Variants in CAMK4 observed in about 807,000 individuals in gnomAD.
The protein encoded by CAMK4 is calcium/calmodulin dependent protein kinase IV, also known as calcium/calmodulin-dependent protein kinase type IV.
CAMK4 carries 22 observed loss-of-function variants against 44.9 expected under a neutral mutation model. The observed-to-expected ratio is 0.49, with a 90% CI of 0.35 to 0.70. The LOEUF (loss-of-function observed/expected upper bound fraction) is 0.70, where lower values mean the gene tolerates loss of function less well. Ranked by LOEUF, CAMK4 falls within the 30% of genes least tolerant of loss-of-function variation. The pLI is 0.01. For synonymous variants in CAMK4, 218 were observed against 215.4 expected (o/e 1.01, Z -0.11); for missense variants, 498 against 586.8 (o/e 0.85, Z 1.56).
chr5:111,476,337 T>G (rs1482050335), intron 8 of CAMK4, among the ~76,000 whole-genome samples: 8 of 151,912 alleles, frequency 5.3e-5, no homozygotes. Context: ...TAGAGTGCAG[T>G]GGCGTGATCT....
Position 111,493,008 on chromosome 5 carries a change from C to T in CAMK4, c.*8542C>T, listed in dbSNP as rs1405600555. 2.6e-5 allele frequency: 4 copies of T among 152,150 alleles called. No individual in the cohort carries two copies. The highest frequency in any genetic ancestry group is 5.9e-5 in the Non-Finnish European group (4 of 68,114). The allele number at this position is 152,150 out of a possible 1,614,324, so 9.4% of individuals were successfully genotyped here. Reference sequence around the variant, plus strand: ...GTAGGGGGCATGTCTGGCTGAGAACCGGCCTGATCATAGAGTGGAAAAATG... The same window carrying T: ...GTAGGGGGCATGTCTGGCTGAGAACTGGCCTGATCATAGAGTGGAAAAATG... On this transcript the variant is annotated 3_prime_UTR_variant, in exon 11 of 11. Transcript: ENST00000282356. This position sits in a 1 kb window ranked among gnomAD's most constrained non-coding sequence, Gnocchi z 4.1.
intron 7 of CAMK4, among the ~76,000 whole-genome samples, chr5:111,470,937 A>G (rs1405605508): frequency 6.6e-6 from 1 of 152,234 alleles, no homozygotes; most frequent in Non-Finnish European, 1.5e-5. Context: ...GTCAACAGGC[A>G]AAATGCCTTG....
At chr5:111,427,142 A>G (rs751489514) in intron 5 of CAMK4, among the ~76,000 whole-genome samples, 5 of 152,166 alleles carry the variant, frequency 3.3e-5, no homozygotes, top group South Asian at 2.1e-4. Context: ...TTTATCTTGC[A>G]TCTAGGATAC....
chr5:111,328,751 G>C (rs912151211), intron 1 of CAMK4, among the ~76,000 whole-genome samples: 1 of 151,916 alleles, frequency 6.6e-6, no homozygotes, highest in Non-Finnish European at 1.5e-5. Flanking sequence ...GGATTCCTAG[G>C]TATTTTATTC....
rs560642818 is a variant in CAMK4, at chr5:111,276,603, T to C, written c.161+51959T>C. Among the ~76,000 whole-genome samples, 4 of 151,626 alleles carry C rather than the reference T, an allele frequency of 2.6e-5. No individual in the cohort carries two copies. The East Asian group carries it at 7.7e-4, about 29-fold the overall frequency. Reference sequence around the variant, plus strand: ...TATATTAAGTCAAAATCTAAAAAAGTTTTTTTTATACTTTCTTGTTCACTT... The same window carrying C: ...TATATTAAGTCAAAATCTAAAAAAGCTTTTTTTATACTTTCTTGTTCACTT... On this transcript the variant is annotated intron_variant, in intron 1 of 10. Transcript: ENST00000282356.
At chr5:111,417,331 C>G (rs963632380) in intron 5 of CAMK4, among the ~76,000 whole-genome samples, 1 of 151,910 alleles carries the variant, frequency 6.6e-6, no homozygotes, top group Non-Finnish European at 1.5e-5. Context: ...ATTCTAGTGC[C>G]TCAGCCTCCC....
At chr5:111,384,768 A>G (rs1751539195) in intron 4 of CAMK4, among the ~76,000 whole-genome samples, 2 of 152,106 alleles carry the variant, frequency 1.3e-5, no homozygotes, top group African/African-American at 4.8e-5. Context: ...CCATTGCAGT[A>G]GACTCCTGGA....
intron 1 of CAMK4, among the ~76,000 whole-genome samples, chr5:111,281,042 T>C (rs1258992806): frequency 2.0e-5 from 3 of 152,188 alleles, no homozygotes; most frequent in Non-Finnish European, 4.4e-5. Flanking sequence ...CACGGCAATA[T>C]TTCTGCTGTG....
intron 5 of CAMK4, among the ~76,000 whole-genome samples, chr5:111,444,015 C>G (rs1386769837): frequency 1.3e-5 from 2 of 152,168 alleles, no homozygotes; most frequent in Admixed American, 6.5e-5. Flanking sequence ...CTCTGTCATT[C>G]TCTCATTTCT....
At chr5:111,295,268 A>C (rs1193956282) in intron 1 of CAMK4, among the ~76,000 whole-genome samples, 1 of 152,220 alleles carries the variant, frequency 6.6e-6, no homozygotes, top group African/African-American at 2.4e-5. Flanking sequence ...GGAGTCCAAC[A>C]ATAAATATCT....
chr5:111,473,244 T>C (rs1488943818), intron 7 of CAMK4, 67 bp from the exon 8 acceptor site: 2 of 1,017,198 alleles, frequency 2.0e-6, no homozygotes, highest in South Asian at 1.3e-5. Context: ...TTCTTTCCCA[T>C]TGCTTGATAT....
intron 1 of CAMK4, among the ~76,000 whole-genome samples, chr5:111,263,620 C>T (rs1750095116): frequency 6.6e-6 from 1 of 152,176 alleles, no homozygotes; most frequent in Non-Finnish European, 1.5e-5. Flanking sequence ...GGACATCCTG[C>T]TATAATCCAT....
chr5:111,355,855 G>C (rs1473873549), intron 2 of CAMK4, among the ~76,000 whole-genome samples: 1 of 141,702 alleles, frequency 7.1e-6, no homozygotes. Flanking sequence ...TGGCTGCATA[G>C]TATTCCATGG....
chr5:111,467,626 G>A (rs181446439), intron 7 of CAMK4, among the ~76,000 whole-genome samples: 1 of 152,154 alleles, frequency 6.6e-6, no homozygotes, highest in East Asian at 1.9e-4. Flanking sequence ...AATGATCAGG[G>A]AATTGCAAAT....
At chr5:111,339,658 G>A (rs1038444134) in intron 1 of CAMK4, among the ~76,000 whole-genome samples, 1 of 151,410 alleles carries the variant, frequency 6.6e-6, no homozygotes, top group East Asian at 1.9e-4. Context: ...ATCAGGTAGT[G>A]TGATGTTTCT....
chr5:111,345,854 C>G (rs546475261), intron 2 of CAMK4, among the ~76,000 whole-genome samples: 1 of 152,018 alleles, frequency 6.6e-6, no homozygotes, highest in South Asian at 2.1e-4. Flanking sequence ...GAAAACATCT[C>G]CCTCAGAAGA....
rs181023850 is a variant in CAMK4 at position 111,486,712 on chromosome 5, G to C, written c.*2246G>C. ...AGGGCGGACTGCATTGTTTGGCCCT[G>C]AGAACTATAGAAACAACGTTGCAAA... is the stretch of plus-strand genomic sequence containing the variant. On this transcript the variant is annotated 3_prime_UTR_variant, in exon 11 of 11. Coordinates refer to ENST00000282356, the MANE Select transcript of CAMK4 (RefSeq NM_001744.6). The C allele has an allele frequency of 6.8e-4, 103 of 152,168 alleles. No homozygotes were observed. Among genetic ancestry groups the C allele is most frequent in the African/African-American group, 2.4e-3 (98 of 41,498 alleles). The allele number at this position is 152,168 out of a possible 1,614,324, so 9.4% of individuals were successfully genotyped here.
chr5:111,313,088 A>G (rs1262604986), intron 1 of CAMK4, among the ~76,000 whole-genome samples: 3 of 152,148 alleles, frequency 2.0e-5, no homozygotes, highest in East Asian at 3.9e-4. Flanking sequence ...GTAGGTCTCA[A>G]CTTAAGCCAG....
chr5:111,443,953 C>T (rs1054512343), intron 5 of CAMK4, among the ~76,000 whole-genome samples: 1 of 152,220 alleles, frequency 6.6e-6, no homozygotes, highest in Non-Finnish European at 1.5e-5. Context: ...TATCTTCCTT[C>T]TTGGGGACAC....
Sources: gnomAD v4.1 joint callset for allele counts (sites outside exome capture counted in the v4.1 genomes callset) on GRCh38, gnomAD v4.1.1 for gene constraint, Gnocchi (gnomAD v3.1) non-coding constraint, MANE v1.5 for transcripts, NCBI Gene and HGNC (gene_info 2026-07-23, HGNC 2026-07-21) for gene names.